The following GUCY1A2 variants were observed in gnomAD, a reference collection of about 807,000 sequenced individuals.
GUCY1A2 encodes the protein guanylate cyclase soluble subunit alpha-2.
GUCY1A2 carries 27 observed loss-of-function variants against 63.5 expected under a neutral mutation model. The observed-to-expected ratio is 0.43, with a 90% CI of 0.31 to 0.59. The LOEUF (loss-of-function observed/expected upper bound fraction) is 0.59, where lower values mean the gene tolerates loss of function less well. Ranked by LOEUF, GUCY1A2 falls within the 20% of genes least tolerant of loss-of-function variation. The pLI, the probability that GUCY1A2 is intolerant of heterozygous loss-of-function variation, is 0.11. For missense variants in GUCY1A2, 768 were observed against 913.3 expected, an observed-to-expected ratio of 0.84 and a Z score of 2.05; for synonymous variants, 364 against 343.5, an observed-to-expected ratio of 1.06 and a Z score of -0.66.
chr11:106,704,300 T>TA (rs1202686679), intron 7 of GUCY1A2, among the ~76,000 whole-genome samples: 6 of 152,194 alleles, frequency 3.9e-5, no homozygotes, highest in Admixed American at 6.5e-5. Context: ...TAAGGAGCTT[T>TA]AAAAATATCA....
At chr11:106,885,017 G>A (rs1229739092) in intron 4 of GUCY1A2, among the ~76,000 whole-genome samples, 1 of 151,968 alleles carries the variant, frequency 6.6e-6, no homozygotes, top group Non-Finnish European at 1.5e-5. Context: ...TACTCCCAAC[G>A]ATAAGAGGCT....
intron 1 of GUCY1A2, among the ~76,000 whole-genome samples, chr11:107,007,979 T>C (rs914131419): frequency 1.3e-5 from 2 of 149,174 alleles, no homozygotes; most frequent in Non-Finnish European, 2.9e-5. Flanking sequence ...TCTACAGGCA[T>C]TTTAAGATAA....
rs73547951 is a variant in GUCY1A2, at chr11:106,717,676, G to A, written c.1837-9010C>T. Among the ~76,000 whole-genome samples the A allele has an allele frequency of 8.4e-3, 1,285 of 152,222 alleles. 16 individuals are homozygous for A. Among genetic ancestry groups the A allele is most frequent in the African/African-American group, 0.029 (1,206 of 41,534 alleles). ...TTATGTGATTAAGATTTTAGACTTT[G>A]GAAAAGTCTTTAACTGCTTTAACAG... On this transcript the variant is annotated intron_variant, in intron 6 of 7. Transcript: ENST00000526355.
chr11:106,688,167 C>G (rs912015854), intron 7 of GUCY1A2, among the ~76,000 whole-genome samples: 3 of 152,120 alleles, frequency 2.0e-5, no homozygotes, highest in Non-Finnish European at 4.4e-5. Context: ...CTAGTGCACT[C>G]CTTTTATGTT....
intron 6 of GUCY1A2, among the ~76,000 whole-genome samples, chr11:106,769,768 G>C (rs534590546): frequency 6.6e-6 from 1 of 152,058 alleles, no homozygotes; most frequent in East Asian, 1.9e-4. Context: ...ATTGATAAAT[G>C]TGAGAAATGA....
intron 4 of GUCY1A2, among the ~76,000 whole-genome samples, chr11:106,907,503 C>G (rs1350120977): frequency 6.6e-6 from 1 of 152,002 alleles, no homozygotes; most frequent in Non-Finnish European, 1.5e-5. Context: ...GTGCTGCACC[C>G]ATTAACTCGT....
chr11:106,813,880 T>G (rs920275370), intron 4 of GUCY1A2, among the ~76,000 whole-genome samples: 1 of 152,062 alleles, frequency 6.6e-6, no homozygotes, highest in Non-Finnish European at 1.5e-5. Flanking sequence ...AATACTTAAT[T>G]TATACTTTGT....
intron 7 of GUCY1A2, among the ~76,000 whole-genome samples, chr11:106,704,786 C>A (rs617358): frequency 1.6e-4 from 24 of 151,654 alleles, no homozygotes; most frequent in African/African-American, 5.3e-4. Context: ...GCAATTATTT[C>A]TGTTTTATAG....
chr11:107,017,829 G>A lies in GUCY1A2; in HGVS notation c.227C>T (p.Ala76Val). The change falls in exon 1 of 8, where the codon GCC (alanine) becomes GTC (valine). Residue 76 changes from alanine (A) to valine (V), a missense_variant. Physicochemically the swap from Ala to Val is moderately conservative, Grantham distance 64 (BLOSUM62 0). Transcript: ENST00000526355. ...SAAAAAATAG[A>V]RRVQRRRRVN... ...CCGCCTCCGGCGCTGCACCCTCCTG[G>A]CCCCGGCAGTGGCAGCGGCGGCGGC... is the stretch of plus-strand genomic sequence containing the variant. The A allele has an allele frequency of 7.7e-7, 1 of 1,300,218 alleles. No individual in the cohort carries two copies. Among genetic ancestry groups the A allele is most frequent in the Non-Finnish European group, 9.7e-7 (1 of 1,026,518 alleles). The allele number at this position is 1,300,218 out of a possible 1,614,324, so 80.5% of individuals were successfully genotyped here.
intron 4 of GUCY1A2, among the ~76,000 whole-genome samples, chr11:106,839,178 T>C (rs992575559): frequency 2.6e-5 from 4 of 152,026 alleles, no homozygotes; most frequent in Non-Finnish European, 5.9e-5. Flanking sequence ...GGATCCAGTT[T>C]CAGCTTTCTA....
intron 6 of GUCY1A2, among the ~76,000 whole-genome samples, chr11:106,723,832 A>AG (rs1863358569): frequency 6.6e-6 from 1 of 152,234 alleles, no homozygotes; most frequent in African/African-American, 2.4e-5. Flanking sequence ...CTCAAAAAAA[A>AG]AAAGTAAAAA....
intron 4 of GUCY1A2, among the ~76,000 whole-genome samples, chr11:106,851,373 T>C (rs1859352881): frequency 6.6e-6 from 1 of 152,038 alleles, no homozygotes; most frequent in Non-Finnish European, 1.5e-5. Context: ...CATTTACCTA[T>C]ATTTCTTTTT....
chr11:106,700,635 T>C (rs867527067), intron 7 of GUCY1A2, among the ~76,000 whole-genome samples: 5 of 152,320 alleles, frequency 3.3e-5, no homozygotes, highest in Middle Eastern at 6.8e-3. Flanking sequence ...CTTTACTGAT[T>C]ATATTTCTTT....
intron 5 of GUCY1A2, among the ~76,000 whole-genome samples, chr11:106,785,420 C>T (rs1392213724): frequency 2.0e-5 from 3 of 151,962 alleles, no homozygotes. Context: ...AAGGGGGTAT[C>T]TGTAACTTTC....
At chr11:106,699,867 C>T (rs1862787459) in intron 7 of GUCY1A2, among the ~76,000 whole-genome samples, 1 of 151,668 alleles carries the variant, frequency 6.6e-6, no homozygotes, top group Non-Finnish European at 1.5e-5. Flanking sequence ...CTGCAAGCTC[C>T]GCCTCCCAGG....
intron 3 of GUCY1A2, among the ~76,000 whole-genome samples, chr11:106,948,082 CA>C (rs1485275627): frequency 3.3e-5 from 5 of 152,036 alleles, no homozygotes; most frequent in Non-Finnish European, 7.4e-5. Flanking sequence ...AAGTATCTGG[CA>C]AAGTATAAAT....
intron 6 of GUCY1A2, among the ~76,000 whole-genome samples, chr11:106,764,714 C>T (rs117874375): frequency 0.011 from 1,660 of 152,076 alleles, 20 homozygotes; most frequent in Middle Eastern, 0.037. Flanking sequence ...ATGCTGAGCA[C>T]GTAGTAAGCA....
intron 4 of GUCY1A2, among the ~76,000 whole-genome samples, chr11:106,848,625 A>C (rs1168046726): frequency 6.6e-6 from 1 of 151,678 alleles, no homozygotes; most frequent in Non-Finnish European, 1.5e-5. Flanking sequence ...TGTTATAAAC[A>C]ATTATGATGG....
chr11:106,786,533 G>A (rs1864559153), intron 5 of GUCY1A2, among the ~76,000 whole-genome samples: 3 of 152,186 alleles, frequency 2.0e-5, no homozygotes, highest in Admixed American at 6.5e-5. Flanking sequence ...TTCCTGCACA[G>A]GAATGTCCAT....
Sources: allele counts gnomAD v4.1 joint callset (sites outside exome capture counted in the v4.1 genomes callset), GRCh38; gene constraint gnomAD v4.1.1; transcripts MANE v1.5; gene names NCBI Gene and HGNC (gene_info 2026-07-23, HGNC 2026-07-21).